Variants in MBNL2 observed in about 807,000 individuals in gnomAD.
MBNL2 encodes the protein muscleblind like splicing regulator 2.
MBNL2 carries 17 observed loss-of-function variants against 41.9 expected under a neutral mutation model. The observed-to-expected ratio is 0.41, with a 90% confidence interval of 0.28 to 0.61. The LOEUF (loss-of-function observed/expected upper bound fraction) is 0.61, where lower values mean the gene tolerates loss of function less well. Among genes scored for constraint, MBNL2 ranks in the 20% least tolerant of loss-of-function variants. MBNL2 has a pLI of 0.35. For missense variants in MBNL2, 336 were observed against 505.6 expected (o/e 0.66, Z 3.22); for synonymous variants, 195 against 182.9 (o/e 1.07, Z -0.53).
At chr13:97,342,701 TATAAC>T (rs2061531042) in intron 3 of MBNL2, among the ~76,000 whole-genome samples, 1 of 152,228 alleles carries the variant, frequency 6.6e-6, no homozygotes, top group Non-Finnish European at 1.5e-5. Context: ...ACCTTAGTGT[TATAAC>T]ATTTAATAGT....
intron 2 of MBNL2, among the ~76,000 whole-genome samples, chr13:97,308,404 T>C (rs1306195935): frequency 2.6e-5 from 4 of 152,232 alleles, no homozygotes; most frequent in East Asian, 3.8e-4. Context: ...ATCCATCCCC[T>C]CTGTTAGAGA....
At chr13:97,304,805 A>G (rs2057973066) in intron 2 of MBNL2, among the ~76,000 whole-genome samples, 1 of 152,240 alleles carries the variant, frequency 6.6e-6, no homozygotes, top group Admixed American at 6.5e-5. Context: ...ATTATTACAT[A>G]AACAAAATGC....
Position 97,366,610 on chromosome 13 carries a change from A to G in MBNL2, c.1048+1439A>G. On this transcript the variant is annotated intron_variant, in intron 8 of 8. Transcript: ENST00000679496. The surrounding 1 kb of genome is among the most constrained non-coding windows in gnomAD (Gnocchi z 4.7). The stretch of plus-strand genomic sequence containing the variant: ...TCCCAAACTCTAAATGAGTGCTGAT[A>G]TTTAAAAAAAAAATTCTCGGTGAGA... The G allele has an allele frequency of 9.4e-7, 1 of 1,066,610 alleles. No homozygotes were observed. The highest frequency in any genetic ancestry group is 1.4e-6 in the Non-Finnish European group (1 of 696,850). 66.1% of individuals were successfully genotyped at this position (1,066,610 alleles called of 1,614,324 possible). A position where few individuals can be genotyped will look rare whatever the true frequency, so the allele number is the denominator to read the frequency against.
chr13:97,338,816 C>A (rs2061121015), intron 3 of MBNL2, among the ~76,000 whole-genome samples: 1 of 152,130 alleles, frequency 6.6e-6, no homozygotes, highest in African/African-American at 2.4e-5. Context: ...CGTGTGTCAG[C>A]CTTTTAGCGT....
At chr13:97,156,492 A>T in the MBNL2 span, among the ~76,000 whole-genome samples, 3 of 135,372 alleles carry the variant, frequency 2.2e-5, no homozygotes, top group African/African-American at 5.7e-5. Context: ...CTGAATGGTA[A>T]TGCCTAGGTT....
intron 2 of MBNL2, among the ~76,000 whole-genome samples, chr13:97,281,223 T>C (rs769113358): frequency 6.6e-6 from 1 of 152,244 alleles, no homozygotes; most frequent in Non-Finnish European, 1.5e-5. Context: ...AGGGGTGCAC[T>C]GCACTCTAGG....
chr13:97,143,138 T>TA, the MBNL2 span, among the ~76,000 whole-genome samples: 1 of 152,120 alleles, frequency 6.6e-6, no homozygotes, highest in Non-Finnish European at 1.5e-5. Flanking sequence ...TCTTGAAAAC[T>TA]AAAAAATAAA....
intron 3 of MBNL2, among the ~76,000 whole-genome samples, chr13:97,336,567 G>A (rs1242220342): frequency 6.6e-6 from 1 of 152,096 alleles, no homozygotes; most frequent in African/African-American, 2.4e-5. Context: ...GACCACAGAG[G>A]CAGATTGGAT....
At chr13:97,146,855 C>T in the MBNL2 span, among the ~76,000 whole-genome samples, 1 of 152,120 alleles carries the variant, frequency 6.6e-6, no homozygotes. Flanking sequence ...TTGGATGTTT[C>T]CCTCTCAAGA....
rs949568879 is a variant in MBNL2, at chr13:97,346,522, A to T, written c.541-282A>T. On this transcript the variant is annotated intron_variant, in intron 4 of 8. Transcript: ENST00000679496. This position sits in a 1 kb window ranked among gnomAD's most constrained non-coding sequence, Gnocchi z 4.2. ...ATAATATGCTACCCAGGGACAATGG[A>T]GGCCTTGTTGCTTTTCCTTTGTTAT... Among the ~76,000 whole-genome samples the T allele has an allele frequency of 9.2e-5, 14 of 152,340 alleles. No homozygotes were observed. In the East Asian group the frequency reaches 2.5e-3, roughly 27 times the overall value.
chr13:97,320,304 G>A (rs975516870), intron 2 of MBNL2, among the ~76,000 whole-genome samples: 2 of 148,396 alleles, frequency 1.3e-5, no homozygotes, highest in Non-Finnish European at 3.0e-5. Context: ...CTGTCACCCA[G>A]GCTGCAGTGC....
chr13:97,323,446 T>C (rs1016159802), intron 2 of MBNL2, among the ~76,000 whole-genome samples: 2 of 152,244 alleles, frequency 1.3e-5, no homozygotes, highest in Non-Finnish European at 2.9e-5. Context: ...TGGTCAGACT[T>C]TTGTCTTGGC....
At chr13:97,371,954 C>T (rs1030994894) in intron 8 of MBNL2, among the ~76,000 whole-genome samples, 5 of 152,298 alleles carry the variant, frequency 3.3e-5, no homozygotes, top group Middle Eastern at 6.8e-3. Flanking sequence ...TGGGCCTTCC[C>T]ATTTCCTACC....
chr13:97,339,874 CG>C (rs576577245), intron 3 of MBNL2, among the ~76,000 whole-genome samples: 2 of 110,662 alleles, frequency 1.8e-5, no homozygotes, highest in Admixed American at 1.9e-4. Flanking sequence ...TGTGTGTGGG[CG>C]GGGGGGGCGT....
chr13:97,265,154 C>T (rs1160540498), intron 1 of MBNL2, among the ~76,000 whole-genome samples: 1 of 152,132 alleles, frequency 6.6e-6, no homozygotes, highest in East Asian at 1.9e-4. Flanking sequence ...TGATTTCTTT[C>T]TCTACCCATT....
intron 2 of MBNL2, among the ~76,000 whole-genome samples, chr13:97,289,716 G>C (rs2055428693): frequency 6.6e-6 from 1 of 152,198 alleles, no homozygotes; most frequent in Non-Finnish European, 1.5e-5. Flanking sequence ...TTGCTTTCGT[G>C]GACCTTGCAG....
chr13:97,173,395 C>T, the MBNL2 span, among the ~76,000 whole-genome samples: 9 of 152,194 alleles, frequency 5.9e-5, no homozygotes, highest in Non-Finnish European at 1.3e-4. Flanking sequence ...GATTGTGGTT[C>T]CCACTATGCA....
intron 1 of MBNL2, among the ~76,000 whole-genome samples, chr13:97,238,862 G>A (rs2043771844): frequency 6.6e-6 from 1 of 152,100 alleles, no homozygotes; most frequent in Non-Finnish European, 1.5e-5. Flanking sequence ...TGAGGCCACT[G>A]GGAAAAAATG....
At chr13:97,176,293 A>G in the MBNL2 span, among the ~76,000 whole-genome samples, 1 of 152,214 alleles carries the variant, frequency 6.6e-6, no homozygotes, top group Non-Finnish European at 1.5e-5. Flanking sequence ...GTCAGAATAT[A>G]AAGCTGCAGA....
Sources: gnomAD v4.1 joint callset for allele counts (sites outside exome capture counted in the v4.1 genomes callset) on GRCh38, gnomAD v4.1.1 for gene constraint, Gnocchi (gnomAD v3.1) non-coding constraint, MANE v1.5 for transcripts, NCBI Gene and HGNC (gene_info 2026-07-23, HGNC 2026-07-21) for gene names.